Variants in SLCO4C1 observed in about 807,000 individuals in gnomAD.
SLCO4C1 encodes solute carrier organic anion transporter family member 4C1, also known as organic anion transporter M1.
Under a neutral mutation model 72.1 loss-of-function variants are expected in SLCO4C1, and 58 were observed. The ratio of observed to expected loss-of-function variants is 0.80; its 90% CI spans 0.65 to 1.00. SLCO4C1 has a LOEUF of 1.00. Among genes scored for constraint, SLCO4C1 ranks in the 50% least tolerant of loss-of-function variants. The pLI is 0.00. For missense variants in SLCO4C1, 898 were observed against 857.9 expected, an observed-to-expected ratio of 1.05 and a Z score of -0.58; for synonymous variants, 297 against 312.5, an observed-to-expected ratio of 0.95 and a Z score of 0.52.
At chr5:102,238,209 T>C (rs1433651079) in intron 12 of SLCO4C1, among the ~76,000 whole-genome samples, 5 of 152,166 alleles carry the variant, frequency 3.3e-5, no homozygotes, top group Non-Finnish European at 7.4e-5. Context: ...CCATTCATCA[T>C]TGACTAGGAA....
chr5:102,237,112 A>C, intron 12 of SLCO4C1, 94 bp from the exon 13 acceptor site: 4 of 1,240,906 alleles, frequency 3.2e-6, no homozygotes, highest in Non-Finnish European at 4.3e-6. Flanking sequence ...ACATTTTTAA[A>C]GAGAATAATT....
chr5:102,260,220 G>C lies in SLCO4C1; in HGVS notation c.1121C>G (p.Ala374Gly), dbSNP rs1263630007. ...FGKSIKDFPA[A>G]LKNLMKNAVF... ...AGAAGAATTTTATTTTACCTTTAGA[G>C]CAGCTGGAAAATCTTTAATACTTTT... Residue 374 changes from alanine to glycine, a missense_variant, in exon 6 of 13, where the codon GCT (alanine) becomes GGT (glycine). By Grantham distance (60) the Ala-to-Gly change is moderately conservative. Coordinates refer to ENST00000310954, the MANE Select transcript of SLCO4C1 (RefSeq NM_180991.5). 2 of 1,327,712 alleles carry C rather than the reference G, an allele frequency of 1.5e-6. No individual in the cohort carries two copies. The highest frequency in any genetic ancestry group is 2.1e-5 in the South Asian group (1 of 47,394). The allele number at this position is 1,327,712 out of a possible 1,614,324, so 82.2% of individuals were successfully genotyped here.
chr5:102,293,940 C>T (rs62372166), intron 1 of SLCO4C1, among the ~76,000 whole-genome samples: 1 of 151,846 alleles, frequency 6.6e-6, no homozygotes, highest in Non-Finnish European at 1.5e-5. Context: ...ACAGAGTTTC[C>T]CTCTGTTGCC....
intron 2 of SLCO4C1, among the ~76,000 whole-genome samples, chr5:102,277,266 C>G (rs1466532932): frequency 1.3e-5 from 2 of 151,830 alleles, no homozygotes; most frequent in African/African-American, 4.8e-5. Flanking sequence ...TATGGTGTAA[C>G]AAGGTGCCCC....
chr5:102,257,655 G>A (rs1412641994), intron 7 of SLCO4C1, among the ~76,000 whole-genome samples: 1 of 142,328 alleles, frequency 7.0e-6, no homozygotes, highest in Non-Finnish European at 1.5e-5. Context: ...ATCTCATTCT[G>A]TCACCCAGGC....
At chr5:102,272,672 G>A (rs1199683773) in intron 2 of SLCO4C1, among the ~76,000 whole-genome samples, 1 of 152,142 alleles carries the variant, frequency 6.6e-6, no homozygotes, top group Non-Finnish European at 1.5e-5. Flanking sequence ...GAAATGTGTT[G>A]AGGCAGGGCG....
At chr5:102,263,509 A>C (rs1748979526) in intron 4 of SLCO4C1, among the ~76,000 whole-genome samples, 175 bp downstream of exon 4, 1 of 152,160 alleles carries the variant, frequency 6.6e-6, no homozygotes, top group Non-Finnish European at 1.5e-5. Flanking sequence ...GCACTGACCC[A>C]AAAGGTAATG....
intron 3 of SLCO4C1, among the ~76,000 whole-genome samples, chr5:102,266,147 T>C (rs1311884017): frequency 5.3e-5 from 8 of 152,222 alleles, no homozygotes; most frequent in African/African-American, 1.9e-4. Context: ...TTTTTTAATG[T>C]GACTTTGTAC....
intron 6 of SLCO4C1, among the ~76,000 whole-genome samples, chr5:102,258,327 A>G (rs1289594559): frequency 6.6e-6 from 1 of 152,196 alleles, no homozygotes; most frequent in Non-Finnish European, 1.5e-5. Flanking sequence ...GTGGTTATGC[A>G]TTTATTGCAT....
At chr5:102,279,047 A>T (rs999819980) in intron 2 of SLCO4C1, among the ~76,000 whole-genome samples, 3 of 151,868 alleles carry the variant, frequency 2.0e-5, no homozygotes, top group African/African-American at 7.2e-5. Flanking sequence ...TGAAACTAAA[A>T]GTTCATTTTC....
chr5:102,264,226 C>T (rs966431818), intron 3 of SLCO4C1, among the ~76,000 whole-genome samples: 2 of 152,074 alleles, frequency 1.3e-5, no homozygotes, highest in Non-Finnish European at 2.9e-5. Flanking sequence ...ATGTGCTGAT[C>T]AGTCTATTTC....
rs760359537 is a variant in SLCO4C1 at position 102,263,712 on chromosome 5, T to C, written c.871A>G (p.Ile291Val). 3.1e-6 allele frequency: 5 copies of C among 1,612,882 alleles called. No individual in the cohort carries two copies. In the South Asian group the frequency reaches 4.4e-5, roughly 14 times the overall value. Residue 291 changes from isoleucine to valine, a missense_variant, in exon 4 of 13, where the codon ATA becomes GTA. Ile to Val is a conservative substitution (Grantham distance 29). Coordinates refer to ENST00000310954, the MANE Select transcript of SLCO4C1 (RefSeq NM_180991.5). Reference sequence around the variant, plus strand: ...TCTCCCATAGCAACATCAATGTATATGGTTAGCAGTTGTCCTCCCAATACA... The same window carrying C: ...TCTCCCATAGCAACATCAATGTATACGGTTAGCAGTTGTCCTCCCAATACA... ...GYVLGGQLLT[I>V]YIDVAMGEST... is the part of the protein sequence containing the mutation.
intron 4 of SLCO4C1, 57 bp from the exon 5 acceptor site, chr5:102,262,090 A>T: frequency 6.7e-7 from 1 of 1,484,056 alleles, no homozygotes; most frequent in Non-Finnish European, 9.3e-7. Context: ...ATTAAAACTC[A>T]GTTAGGATAA....
At chr5:102,267,760 C>T (rs1384342559) in intron 3 of SLCO4C1, among the ~76,000 whole-genome samples, 1 of 151,436 alleles carries the variant, frequency 6.6e-6, no homozygotes, top group Non-Finnish European at 1.5e-5. Flanking sequence ...TATAAAATTC[C>T]CTGTTAGCAT....
rs1283894961 is a variant in SLCO4C1, at chr5:102,260,301, G to C, written c.1040C>G (p.Ala347Gly). 7.5e-7 allele frequency: 1 copy of C among 1,333,548 alleles called. No individual in the cohort carries two copies. The highest frequency in any genetic ancestry group is 9.7e-7 in the Non-Finnish European group (1 of 1,031,572). 82.6% of individuals were successfully genotyped at this position (1,333,548 alleles called of 1,614,324 possible). ...KHLPGTAEIQ[A>G]GKTSQAHQSN... ...CTGATGAGCCTGGGAAGTTTTTCCA[G>C]CTTGAATTTCTGCTGTACCTAAAAA... The change falls in exon 6 of 13, where the codon GCT becomes GGT. Residue 347 changes from alanine (A) to glycine (G), a missense_variant. Ala to Gly is a moderately conservative substitution (Grantham distance 60, BLOSUM62 0). Transcript: ENST00000310954.
At position 102,235,535 on chromosome 5, in the gene SLCO4C1, A is replaced by C. The variant is rs1227048197; in HGVS notation, c.*1323T>G. The C allele has an allele frequency of 2.0e-5, 3 of 152,222 alleles. No individual in the cohort carries two copies. Among genetic ancestry groups the C allele is most frequent in the African/African-American group, 7.2e-5 (3 of 41,452 alleles). 9.4% of individuals were successfully genotyped at this position (152,222 alleles called of 1,614,324 possible). ...TATCAGGCTTGTAAAATACTTTATC[A>C]AATCAATGCATCAGTTAAAGCAGGG... On this transcript the variant is annotated 3_prime_UTR_variant, in exon 13 of 13. Coordinates refer to ENST00000310954, the MANE Select transcript of SLCO4C1 (RefSeq NM_180991.5).
chr5:102,268,190 A>G (rs1749078571), intron 3 of SLCO4C1, among the ~76,000 whole-genome samples: 1 of 152,108 alleles, frequency 6.6e-6, no homozygotes, highest in Non-Finnish European at 1.5e-5. Context: ...TGGGGCATTA[A>G]AGTTCCCAAC....
In SLCO4C1 at chr5:102,240,736, T is replaced by C; in HGVS notation, c.1858A>G (p.Met620Val). Residue 620 changes from methionine (M) to valine (V), a missense_variant, in exon 11 of 13, where the codon ATG becomes GTG. Met to Val is a conservative substitution (Grantham distance 21). Transcript: ENST00000310954. ...GGCATACCTAATAATCGAAGGACCATAAATTGTATTCCCAAGGCTAGGGAC... is the reference window on the plus strand; with the variant it reads ...GGCATACCTAATAATCGAAGGACCACAAATTGTATTCCCAAGGCTAGGGAC... Reference protein sequence around the residue: ...QRSLALGIQFMVLRLLGTIPG... With the variant: ...QRSLALGIQFVVLRLLGTIPG... 1 of 1,611,924 alleles carries C rather than the reference T, an allele frequency of 6.2e-7. No individual in the cohort carries two copies. Among genetic ancestry groups the C allele is most frequent in the Non-Finnish European group, 8.5e-7 (1 of 1,178,660 alleles).
intron 10 of SLCO4C1, among the ~76,000 whole-genome samples, chr5:102,242,309 A>G (rs1361409382): frequency 6.6e-6 from 1 of 152,202 alleles, no homozygotes; most frequent in Non-Finnish European, 1.5e-5. Flanking sequence ...GTGCTGAATT[A>G]GGCTCAAAGA....
Sources: gnomAD v4.1 joint callset for allele counts (sites outside exome capture counted in the v4.1 genomes callset) on GRCh38, gnomAD v4.1.1 for gene constraint, MANE v1.5 for transcripts, NCBI Gene and HGNC (gene_info 2026-07-23, HGNC 2026-07-21) for gene names.